KCNMB4: variants seen among roughly 807,000 people sequenced by gnomAD.
KCNMB4 encodes potassium calcium-activated channel subfamily M regulatory beta subunit 4, also known as calcium-activated potassium channel subunit beta-4.
KCNMB4 carries 3 observed loss-of-function variants against 20.7 expected under a neutral mutation model. That is an observed-to-expected ratio of 0.14 (90% confidence interval 0.07 to 0.37). The LOEUF is 0.37. KCNMB4 is among the 10% of genes least tolerant of loss of function. The probability of loss-of-function intolerance (pLI) is 1.00; values close to 1 mark genes in which losing one functional copy is unlikely to be tolerated. For synonymous variants in KCNMB4, 110 were observed against 113.4 expected (o/e 0.97, Z 0.19); for missense variants, 168 against 265.9 (o/e 0.63, Z 2.56).
At chr12:70,374,868 A>G (rs1323567502) in intron 1 of KCNMB4, among the ~76,000 whole-genome samples, 1 of 152,158 alleles carries the variant, frequency 6.6e-6, no homozygotes, top group Non-Finnish European at 1.5e-5. Context: ...TTGATATTAT[A>G]TTTCACTGGA....
intron 2 of KCNMB4, among the ~76,000 whole-genome samples, chr12:70,424,807 A>G (rs148016494): frequency 1.0e-3 from 153 of 152,152 alleles, no homozygotes; most frequent in African/African-American, 3.5e-3. Flanking sequence ...TAGTCCCACT[A>G]TAATTTATAA....
In KCNMB4 at chr12:70,430,585, G is replaced by A; in HGVS notation, c.565G>A (p.Val189Ile). Residue 189 changes from valine (V) to isoleucine (I), a missense_variant, in exon 3 of 3, where the codon GTC (valine) becomes ATC (isoleucine). Coordinates refer to ENST00000258111, the MANE Select transcript of KCNMB4 (RefSeq NM_014505.6). ...VTFVVGVLIV[V>I]LTICAKSLAV... ...ATTTGTGGTGGGCGTTCTCATTGTG[G>A]TCCTGACCATCTGTGCCAAGAGCTT... 6.2e-7 allele frequency: 1 copy of A among 1,613,806 alleles called. No individual in the cohort carries two copies. The highest frequency in any genetic ancestry group is 8.5e-7 in the Non-Finnish European group (1 of 1,179,928).
chr12:70,377,658 T>C (rs934616028), intron 1 of KCNMB4, among the ~76,000 whole-genome samples: 16 of 152,204 alleles, frequency 1.1e-4, no homozygotes, highest in African/African-American at 3.9e-4. Context: ...TGTGATGCTA[T>C]TTAATAGCAT....
At chr12:70,382,543 G>T (rs1883809078) in intron 1 of KCNMB4, among the ~76,000 whole-genome samples, 2 of 151,836 alleles carry the variant, frequency 1.3e-5, no homozygotes, top group South Asian at 4.2e-4. Flanking sequence ...TATATATGGG[G>T]TGGGCAAAGC....
At chr12:70,408,061 C>A (rs951452909) in intron 2 of KCNMB4, among the ~76,000 whole-genome samples, 2 of 152,264 alleles carry the variant, frequency 1.3e-5, no homozygotes, top group South Asian at 4.1e-4. Context: ...TCCTTCAGAA[C>A]GGATACACAT....
chr12:70,379,464 G>T (rs118107510), intron 1 of KCNMB4, among the ~76,000 whole-genome samples: 1 of 152,074 alleles, frequency 6.6e-6, no homozygotes, highest in African/African-American at 2.4e-5. Flanking sequence ...TGTCACCCAG[G>T]CTGGAGTGCA....
intron 1 of KCNMB4, among the ~76,000 whole-genome samples, chr12:70,379,685 TACAGGCATGAGCCACC>T (rs1883751019): frequency 6.6e-6 from 1 of 152,244 alleles, no homozygotes; most frequent in South Asian, 2.1e-4. Flanking sequence ...ATGCTGGGAT[TACAGGCATGAGCCACC>T]ATGCCCAGCC....
rs1869428711 is a variant in KCNMB4 at position 70,433,834 on chromosome 12, C to T, written c.*3181C>T. 2 of 152,252 alleles carry T rather than the reference C, an allele frequency of 1.3e-5. No individual in the cohort carries two copies. Among genetic ancestry groups the T allele is most frequent in the South Asian group, 4.1e-4 (2 of 4,840 alleles). 9.4% of individuals were successfully genotyped at this position (152,252 alleles called of 1,614,324 possible). A position where few individuals can be genotyped will look rare whatever the true frequency, so the allele number is the denominator to read the frequency against. ...CCACTAGTTTGACCTCTAGGAAAGT[C>T]TTGCTCGTCAGCTTCTGTGGCCCCG... On this transcript the variant is annotated 3_prime_UTR_variant, in exon 3 of 3. Coordinates refer to ENST00000258111, the MANE Select transcript of KCNMB4 (RefSeq NM_014505.6).
In KCNMB4 at chr12:70,367,873, G is replaced by GAA. The variant is rs779409213; in HGVS notation, c.336+814_336+815dup. ...AAGCAAGCAAGAAGAAAAAGAAAAA[G>GAA]AAAAAAAAAAAAGATAAAACCTGGT... is the stretch of plus-strand genomic sequence containing the variant. On this transcript the variant is annotated intron_variant, in intron 1 of 2. Transcript: ENST00000258111. 1.5e-5 allele frequency among the ~76,000 whole-genome samples: 2 copies of GAA among 135,822 alleles called. 1 individual carries two copies. The highest frequency in any genetic ancestry group is 4.7e-4 in the South Asian group (2 of 4,294). 89.1% of individuals were successfully genotyped at this position (135,822 alleles called of 152,430 possible).
chr12:70,403,634 T>G (rs551432645), intron 2 of KCNMB4, among the ~76,000 whole-genome samples: 7 of 152,286 alleles, frequency 4.6e-5, no homozygotes, highest in African/African-American at 1.7e-4. Flanking sequence ...CTAGAGGAAC[T>G]TTAAAAAAAG....
chr12:70,412,803 T>C (rs1397203570), intron 2 of KCNMB4, among the ~76,000 whole-genome samples: 2 of 152,214 alleles, frequency 1.3e-5, no homozygotes, highest in African/African-American at 4.8e-5. Context: ...AATTACTAAA[T>C]ACTGTGTTTG....
At chr12:70,414,815 A>G (rs1174707318) in intron 2 of KCNMB4, among the ~76,000 whole-genome samples, 1 of 152,228 alleles carries the variant, frequency 6.6e-6, no homozygotes, top group African/African-American at 2.4e-5. Flanking sequence ...GCAAGAATTT[A>G]AAATTTATTC....
Position 70,381,168 on chromosome 12 carries a change from G to A in KCNMB4, c.336+14098G>A, listed in dbSNP as rs551894322. 7.9e-5 allele frequency among the ~76,000 whole-genome samples: 12 copies of A among 151,994 alleles called. No individual in the cohort carries two copies. The East Asian group carries it at 1.9e-3, about 24-fold the overall frequency. On this transcript the variant is annotated intron_variant, in intron 1 of 2. Coordinates refer to ENST00000258111, the MANE Select transcript of KCNMB4 (RefSeq NM_014505.6). The stretch of plus-strand genomic sequence containing the variant: ...AAAAATGTTTGACATTTTTAGTCAT[G>A]AGGGAAATGAAAATCAAAACCCCAA...
At chr12:70,379,478 G>C (rs1209625966) in intron 1 of KCNMB4, among the ~76,000 whole-genome samples, 1 of 152,076 alleles carries the variant, frequency 6.6e-6, no homozygotes, top group Non-Finnish European at 1.5e-5. Context: ...GAGTGCAGTG[G>C]TGTGATCTCT....
At chr12:70,403,540 G>A (rs1430030438) in intron 2 of KCNMB4, among the ~76,000 whole-genome samples, 1 of 152,124 alleles carries the variant, frequency 6.6e-6, no homozygotes, top group East Asian at 1.9e-4. Flanking sequence ...CACCATGTTA[G>A]CCAGGCTGGT....
intron 2 of KCNMB4, among the ~76,000 whole-genome samples, chr12:70,415,713 G>A (rs1868896862): frequency 6.6e-6 from 1 of 152,104 alleles, no homozygotes; most frequent in Non-Finnish European, 1.5e-5. Flanking sequence ...GCAAACTTCA[G>A]TTCTCCTTCT....
intron 2 of KCNMB4, among the ~76,000 whole-genome samples, chr12:70,401,801 C>T (rs183100527): frequency 6.6e-6 from 1 of 152,246 alleles, no homozygotes; most frequent in Non-Finnish European, 1.5e-5. Context: ...CCTGGCCTCT[C>T]ATTCTTCAGT....
chr12:70,409,905 T>G (rs1339235301), intron 2 of KCNMB4, among the ~76,000 whole-genome samples: 1 of 152,186 alleles, frequency 6.6e-6, no homozygotes, highest in African/African-American at 2.4e-5. Flanking sequence ...GGCTTAGATT[T>G]CTCTTAAAAT....
intron 2 of KCNMB4, among the ~76,000 whole-genome samples, chr12:70,402,407 C>G (rs1868476413): frequency 6.6e-6 from 1 of 152,046 alleles, no homozygotes; most frequent in African/African-American, 2.4e-5. Flanking sequence ...CCGTGGAAGA[C>G]TGAGGCGGGA....
Sources: gnomAD v4.1 joint callset for allele counts (sites outside exome capture counted in the v4.1 genomes callset) on GRCh38, gnomAD v4.1.1 for gene constraint, MANE v1.5 for transcripts, NCBI Gene and HGNC (gene_info 2026-07-23, HGNC 2026-07-21) for gene names.